Variants in ROBO1 observed in about 807,000 individuals in gnomAD.
ROBO1 encodes the protein roundabout homolog 1.
Under a neutral mutation model 195.9 loss-of-function variants are expected in ROBO1, and 149 were observed. That is an observed-to-expected ratio of 0.76 (90% CI 0.67 to 0.87). The LOEUF (loss-of-function observed/expected upper bound fraction) is 0.87. Among genes scored for constraint, ROBO1 ranks in the 40% least tolerant of loss-of-function variants. ROBO1 has a pLI of 0.00. For missense variants in ROBO1, 1,933 were observed against 2,068.3 expected, an observed-to-expected ratio of 0.93 and a Z score of 1.27; for synonymous variants, 816 against 733.2, an observed-to-expected ratio of 1.11 and a Z score of -1.82.
At chr3:78,601,451 A>T (rs1703166074) in intron 29 of ROBO1, among the ~76,000 whole-genome samples, 1 of 152,182 alleles carries the variant, frequency 6.6e-6, no homozygotes, top group South Asian at 2.1e-4. Flanking sequence ...GACACATAGG[A>T]GTTTCACAGT....
chr3:79,319,034 T>C (rs1034823821), intron 2 of ROBO1, among the ~76,000 whole-genome samples: 2 of 152,236 alleles, frequency 1.3e-5, no homozygotes, highest in Non-Finnish European at 1.5e-5. Context: ...CTAAATTTTG[T>C]AGTAGTGAAT....
intron 18 of ROBO1, among the ~76,000 whole-genome samples, chr3:78,656,451 C>T (rs1195952352): frequency 1.3e-5 from 2 of 150,680 alleles, no homozygotes; most frequent in African/African-American, 2.4e-5. Context: ...CCCAGGTTCA[C>T]GCCATTCTCC....
intron 1 of ROBO1, among the ~76,000 whole-genome samples, chr3:79,655,684 C>T (rs1428635286): frequency 6.6e-6 from 1 of 151,956 alleles, no homozygotes; most frequent in East Asian, 1.9e-4. Flanking sequence ...TAATTGGGAA[C>T]CTAAAGATCT....
chr3:78,734,901 T>G (rs756652278), intron 5 of ROBO1, among the ~76,000 whole-genome samples: 68 of 152,152 alleles, frequency 4.5e-4, no homozygotes, highest in Middle Eastern at 3.2e-3. Flanking sequence ...ACCCCGACTA[T>G]GGTCCTGGAG....
At chr3:79,271,824 T>C (rs1042360681) in intron 2 of ROBO1, among the ~76,000 whole-genome samples, 5 of 152,072 alleles carry the variant, frequency 3.3e-5, no homozygotes, top group Non-Finnish European at 5.9e-5. Flanking sequence ...GGTAAGTGAA[T>C]GAATGATTGA....
intron 2 of ROBO1, among the ~76,000 whole-genome samples, chr3:79,457,610 G>A (rs892147508): frequency 3.3e-5 from 5 of 152,032 alleles, no homozygotes; most frequent in African/African-American, 1.2e-4. Flanking sequence ...AAACCTGGTG[G>A]GAGGTAACTG....
intron 3 of ROBO1, among the ~76,000 whole-genome samples, chr3:78,986,200 G>C (rs2077102675): frequency 1.3e-5 from 2 of 152,082 alleles, no homozygotes; most frequent in South Asian, 4.1e-4. Context: ...ATCTTAAAAC[G>C]AAAGGGCTCT....
At chr3:79,446,343 T>C (rs2039255367) in intron 2 of ROBO1, among the ~76,000 whole-genome samples, 1 of 152,178 alleles carries the variant, frequency 6.6e-6, no homozygotes, top group South Asian at 2.1e-4. Flanking sequence ...TTGCAAATCA[T>C]CTTTCCTAAA....
intron 1 of ROBO1, among the ~76,000 whole-genome samples, chr3:79,596,634 T>A (rs951778521): frequency 6.6e-6 from 1 of 152,110 alleles, no homozygotes; most frequent in Admixed American, 6.6e-5. Context: ...TAATATATTA[T>A]CTTTCACATG....
At chr3:79,496,316 G>A (rs1440672104) in intron 2 of ROBO1, among the ~76,000 whole-genome samples, 4 of 149,452 alleles carry the variant, frequency 2.7e-5, no homozygotes, top group Non-Finnish European at 5.9e-5. Flanking sequence ...AGTTTATCTG[G>A]ATTGTGATTT....
chr3:79,699,112 A>G (rs1470683641), intron 1 of ROBO1, among the ~76,000 whole-genome samples: 1 of 150,318 alleles, frequency 6.7e-6, no homozygotes, highest in Non-Finnish European at 1.5e-5. Flanking sequence ...ATTAACATTT[A>G]TGGGTAGAGT....
rs74929727 is a variant in ROBO1 at position 79,022,174 on chromosome 3, A to G, written c.173-83247T>C. 9.0e-3 allele frequency among the ~76,000 whole-genome samples: 1,370 copies of G among 152,340 alleles called. 19 individuals are homozygous for G. The highest frequency in any genetic ancestry group is 0.032 in the African/African-American group (1,320 of 41,570). On this transcript the variant is annotated intron_variant, in intron 3 of 30. Coordinates refer to ENST00000464233, the MANE Select transcript of ROBO1 (RefSeq NM_002941.4). Reference sequence around the variant, plus strand: ...TGTATTCAGAAGGCATTACGGATCTATAAGAAGTGAAACTCAATGCATCTG... The same window carrying G: ...TGTATTCAGAAGGCATTACGGATCTGTAAGAAGTGAAACTCAATGCATCTG...
chr3:79,202,635 CA>C (rs1157639596), intron 2 of ROBO1, among the ~76,000 whole-genome samples: 1 of 150,706 alleles, frequency 6.6e-6, no homozygotes, highest in Non-Finnish European at 1.5e-5. Flanking sequence ...GAAATACTTT[CA>C]AAGAAGTTGT....
In ROBO1 at chr3:78,975,976, C is replaced by T. The variant is rs2076876467; in HGVS notation, c.173-37049G>A. Among the ~76,000 whole-genome samples, 4 of 152,136 alleles carry T rather than the reference C, an allele frequency of 2.6e-5. No individual in the cohort carries two copies. In the South Asian group the frequency reaches 8.3e-4, roughly 32 times the overall value. ...TTACTCAACAAATACTTAAAATATA[C>T]AGCATAACGTAAAAGTCAGCCTAAT... On this transcript the variant is annotated intron_variant, in intron 3 of 30. Transcript: ENST00000464233.
At chr3:79,672,039 C>T (rs1404630333) in intron 1 of ROBO1, among the ~76,000 whole-genome samples, 1 of 151,904 alleles carries the variant, frequency 6.6e-6, no homozygotes, top group Non-Finnish European at 1.5e-5. Flanking sequence ...TCATTGATCA[C>T]AAAAGAACAA....
chr3:79,448,467 T>G (rs2107179832), intron 2 of ROBO1, among the ~76,000 whole-genome samples: 1 of 152,302 alleles, frequency 6.6e-6, no homozygotes, highest in South Asian at 2.1e-4. Context: ...CCTAATATTT[T>G]TATAGCATTA....
intron 4 of ROBO1, among the ~76,000 whole-genome samples, chr3:78,763,921 G>T (rs1387837869): frequency 6.6e-6 from 1 of 152,174 alleles, no homozygotes; most frequent in Non-Finnish European, 1.5e-5. Context: ...TAAGGTTAGT[G>T]TATGAAGTAA....
chr3:79,684,458 T>C (rs1947040763), intron 1 of ROBO1, among the ~76,000 whole-genome samples: 1 of 152,170 alleles, frequency 6.6e-6, no homozygotes, highest in African/African-American at 2.4e-5. Flanking sequence ...CACTTAACTT[T>C]TGTTTTTTAC....
chr3:79,413,556 T>G (rs1199270644), intron 2 of ROBO1, among the ~76,000 whole-genome samples: 2 of 152,088 alleles, frequency 1.3e-5, no homozygotes, highest in African/African-American at 4.8e-5. Context: ...GATTCAGGAT[T>G]GCTAGATGTT....
Sources: allele counts gnomAD v4.1 joint callset (sites outside exome capture counted in the v4.1 genomes callset), GRCh38; gene constraint gnomAD v4.1.1; transcripts MANE v1.5; gene names NCBI Gene and HGNC (gene_info 2026-07-23, HGNC 2026-07-21).